Variants in HAPSTR1 observed in about 807,000 individuals in gnomAD.
HAPSTR1 encodes the protein HUWE1-associated protein modifying stress responses 1.
the HAPSTR1 span, among the ~76,000 whole-genome samples, chr16:9,094,319 C>T: frequency 6.6e-6 from 1 of 152,114 alleles, no homozygotes; most frequent in Non-Finnish European, 1.5e-5. Context: ...TAAATTGTGA[C>T]TGAGTAAATT....
the HAPSTR1 span, among the ~76,000 whole-genome samples, chr16:9,100,969 C>T: frequency 1.3e-5 from 2 of 152,232 alleles, no homozygotes; most frequent in Admixed American, 1.3e-4. Context: ...AAAATACCCT[C>T]ATTCTCTTCA....
the HAPSTR1 span, chr16:9,120,637 C>G: frequency 4.1e-5 from 6 of 148,132 alleles, no homozygotes; most frequent in Non-Finnish European, 5.9e-5. Flanking sequence ...ATAGTATATA[C>G]AGGTCTTTTA....
At chr16:9,098,561 A>T in the HAPSTR1 span, among the ~76,000 whole-genome samples, 6 of 152,152 alleles carry the variant, frequency 3.9e-5, no homozygotes, top group Non-Finnish European at 7.4e-5. Flanking sequence ...TCACACCTGT[A>T]GTCCAGCACT....
chr16:9,109,590 C>G, the HAPSTR1 span: 5 of 152,210 alleles, frequency 3.3e-5, no homozygotes, highest in African/African-American at 1.2e-4. Context: ...TCATTTCAGA[C>G]TCAAAGGCCT....
At chr16:9,116,097 C>T in the HAPSTR1 span, among the ~76,000 whole-genome samples, 7 of 152,296 alleles carry the variant, frequency 4.6e-5, no homozygotes, top group South Asian at 1.5e-3. Flanking sequence ...TGACTTTGTA[C>T]CTCATGTCCC....
chr16:9,094,733 A>G, the HAPSTR1 span, among the ~76,000 whole-genome samples: 667 of 152,276 alleles, frequency 4.4e-3, 7 homozygotes, highest in African/African-American at 0.015. Context: ...TGGCAGTACC[A>G]TGGTTTATTC....
chr16:9,114,136 T>G, the HAPSTR1 span, among the ~76,000 whole-genome samples: 2 of 152,216 alleles, frequency 1.3e-5, no homozygotes, highest in African/African-American at 2.4e-5. Context: ...TTTTTAAAAG[T>G]AAGCTTGTGC....
chr16:9,096,495 C>T, the HAPSTR1 span, among the ~76,000 whole-genome samples: 1 of 152,102 alleles, frequency 6.6e-6, no homozygotes, highest in South Asian at 2.1e-4. Context: ...GATGCCAAGC[C>T]CTCTTTATAT....
the HAPSTR1 span, among the ~76,000 whole-genome samples, chr16:9,101,244 G>A: frequency 2.0e-5 from 3 of 152,180 alleles, no homozygotes; most frequent in Admixed American, 2.0e-4. Context: ...TTCCTAAAGA[G>A]ATGGGAAAAG....
chr16:9,109,970 A>C, the HAPSTR1 span: 1 of 152,072 alleles, frequency 6.6e-6, no homozygotes, highest in Non-Finnish European at 1.5e-5. Context: ...AGTGAATACC[A>C]AGCACTGTTT....
chr16:9,117,774 TGAGAGG>T, the HAPSTR1 span: 1 of 150,548 alleles, frequency 6.6e-6, no homozygotes, highest in East Asian at 1.9e-4. Context: ...TCAGTATTAG[TGAGAGG>T]GAGAGGGAGA....
the HAPSTR1 span, chr16:9,116,550 C>T: frequency 3.8e-6 from 5 of 1,308,460 alleles, no homozygotes; most frequent in East Asian, 9.3e-5. Context: ...ACTAGTAATC[C>T]CTTATAAAGG....
the HAPSTR1 span, among the ~76,000 whole-genome samples, chr16:9,099,692 C>A: frequency 6.6e-6 from 1 of 152,140 alleles, no homozygotes; most frequent in Admixed American, 6.5e-5. Context: ...CCCGAAAGTC[C>A]ACGCTTCTAG....
At chr16:9,100,278 G>C in the HAPSTR1 span, among the ~76,000 whole-genome samples, 2 of 152,142 alleles carry the variant, frequency 1.3e-5, no homozygotes, top group Admixed American at 1.3e-4. Flanking sequence ...TTACATCTAA[G>C]CCAGGCCACT....
the HAPSTR1 span, among the ~76,000 whole-genome samples, chr16:9,101,396 A>G: frequency 1.3e-5 from 2 of 152,250 alleles, no homozygotes; most frequent in Admixed American, 6.5e-5. Flanking sequence ...GCTGCTTTTT[A>G]TATTTGTAAA....
chr16:9,103,197 C>T, the HAPSTR1 span: 2 of 1,614,128 alleles, frequency 1.2e-6, no homozygotes, highest in Non-Finnish European at 1.7e-6. Context: ...GCTACTTCAA[C>T]GGAAACTAGC....
chr16:9,116,858 G>A, the HAPSTR1 span: 3 of 1,614,194 alleles, frequency 1.9e-6, no homozygotes, highest in Non-Finnish European at 2.5e-6. Flanking sequence ...CCTCAGCCCA[G>A]TGTGGCGATG....
the HAPSTR1 span, among the ~76,000 whole-genome samples, chr16:9,095,451 GA>G: frequency 3.3e-5 from 5 of 152,166 alleles, no homozygotes; most frequent in East Asian, 5.8e-4. Context: ...TTTAAGGGGG[GA>G]AAAATTTGGT....
At chr16:9,121,534 C>G in the HAPSTR1 span, 1 of 152,180 alleles carries the variant, frequency 6.6e-6, no homozygotes, top group East Asian at 1.9e-4. Flanking sequence ...AATGCTGACT[C>G]TACTACCAGG....
Sources: gnomAD v4.1 joint callset for allele counts (sites outside exome capture counted in the v4.1 genomes callset) on GRCh38, gnomAD v4.1.1 for gene constraint, MANE v1.5 for transcripts, NCBI Gene and HGNC (gene_info 2026-07-23, HGNC 2026-07-21) for gene names.